AUTS2: variants seen among roughly 807,000 people sequenced by gnomAD.
The protein encoded by AUTS2 is activator of transcription and developmental regulator AUTS2.
Under a neutral mutation model 112.4 loss-of-function variants are expected in AUTS2, and 17 were observed. The observed-to-expected ratio is 0.15, with a 90% confidence interval of 0.10 to 0.23. The LOEUF is 0.23. Among genes scored for constraint, AUTS2 ranks in the 10% least tolerant of loss-of-function variants. The probability of loss-of-function intolerance (pLI) is 1.00; values close to 1 mark genes in which losing one functional copy is unlikely to be tolerated. For synonymous variants in AUTS2, 751 were observed against 702.7 expected, an observed-to-expected ratio of 1.07 and a Z score of -1.09; for missense variants, 1,510 against 1,701.6, an observed-to-expected ratio of 0.89 and a Z score of 1.98.
chr7:69,849,689 T>G (rs1286483527), intron 1 of AUTS2, among the ~76,000 whole-genome samples: 1 of 152,062 alleles, frequency 6.6e-6, no homozygotes, highest in African/African-American at 2.4e-5. Flanking sequence ...CATTAAATCA[T>G]ACAGTACATG....
chr7:69,656,637 ACTGGCTT>A (rs1166258370), intron 1 of AUTS2, among the ~76,000 whole-genome samples: 1 of 152,152 alleles, frequency 6.6e-6, no homozygotes, highest in African/African-American at 2.4e-5. Flanking sequence ...CATTGAAGAG[ACTGGCTT>A]CTGGGAGAGG....
At chr7:70,522,461 C>T (rs34127640) in intron 5 of AUTS2, among the ~76,000 whole-genome samples, 13,913 of 152,196 alleles carry the variant, frequency 0.091, 817 homozygotes, top group African/African-American at 0.16. Context: ...TTCCCTCTCT[C>T]CACTCCTCTA....
intron 5 of AUTS2, among the ~76,000 whole-genome samples, chr7:70,459,507 G>C (rs533626172): frequency 6.6e-6 from 1 of 152,160 alleles, no homozygotes; most frequent in African/African-American, 2.4e-5. Context: ...TCCAGGGTCC[G>C]TGTGAGCCCC....
At position 70,635,400 on chromosome 7, in the gene AUTS2, G is replaced by C. The variant is rs146615389; in HGVS notation, c.691-63169G>C. Among the ~76,000 whole-genome samples the C allele has an allele frequency of 1.7e-3, 259 of 152,322 alleles. 1 individual carries two copies. The highest frequency in any genetic ancestry group is 5.4e-3 in the African/African-American group (224 of 41,572). Reference sequence around the variant, plus strand: ...TCTTTGGAAATTGTGCTGCCTTTTAGTGGAGATAGGTTAGCTCCTGCAAAT... The same window carrying C: ...TCTTTGGAAATTGTGCTGCCTTTTACTGGAGATAGGTTAGCTCCTGCAAAT... On this transcript the variant is annotated intron_variant, in intron 5 of 18. Coordinates refer to ENST00000342771, the MANE Select transcript of AUTS2 (RefSeq NM_015570.4).
At chr7:70,702,605 G>A (rs1308328570) in intron 6 of AUTS2, among the ~76,000 whole-genome samples, 1 of 152,204 alleles carries the variant, frequency 6.6e-6, no homozygotes, top group Admixed American at 6.5e-5. Flanking sequence ...TCCTCCAGCA[G>A]GGAATGAGGC....
At chr7:69,990,956 A>G (rs1005624979) in intron 2 of AUTS2, among the ~76,000 whole-genome samples, 10 of 152,220 alleles carry the variant, frequency 6.6e-5, no homozygotes, top group East Asian at 1.9e-4. Flanking sequence ...GGCTGAGAGA[A>G]TAGATCTAAT....
chr7:70,142,827 G>A (rs1806935020), intron 4 of AUTS2, among the ~76,000 whole-genome samples: 1 of 152,126 alleles, frequency 6.6e-6, no homozygotes, highest in African/African-American at 2.4e-5. Flanking sequence ...AAGGAAGGTT[G>A]TCTTATCCTT....
chr7:70,346,069 C>T (rs896260294), intron 4 of AUTS2, among the ~76,000 whole-genome samples: 1 of 152,074 alleles, frequency 6.6e-6, no homozygotes, highest in Non-Finnish European at 1.5e-5. Context: ...CTCTCATGCT[C>T]ATGGATCTCC....
At chr7:70,030,050 G>T (rs1487620971) in intron 2 of AUTS2, among the ~76,000 whole-genome samples, 1 of 152,148 alleles carries the variant, frequency 6.6e-6, no homozygotes, top group African/African-American at 2.4e-5. Context: ...AATCTCAGCA[G>T]ATTACTCACA....
intron 2 of AUTS2, among the ~76,000 whole-genome samples, chr7:70,009,325 T>C (rs1186986498): frequency 1.3e-5 from 2 of 152,176 alleles, no homozygotes; most frequent in Admixed American, 6.5e-5. Flanking sequence ...TAGTGTTGCA[T>C]TGGGGATTCA....
intron 1 of AUTS2, among the ~76,000 whole-genome samples, chr7:69,809,321 G>T (rs968270771): frequency 6.6e-6 from 1 of 151,614 alleles, no homozygotes; most frequent in Non-Finnish European, 1.5e-5. Context: ...CTCGTGATCT[G>T]CCCGCCTTGG....
At chr7:70,290,260 T>TA (rs1435149627) in intron 4 of AUTS2, 2 of 1,181,460 alleles carry the variant, frequency 1.7e-6, no homozygotes, top group Non-Finnish European at 2.2e-6. Flanking sequence ...TTCCCAATTT[T>TA]ATAAAACAAA....
chr7:69,921,001 T>C (rs1323063826), intron 2 of AUTS2, among the ~76,000 whole-genome samples: 1 of 152,222 alleles, frequency 6.6e-6, no homozygotes, highest in Non-Finnish European at 1.5e-5. Flanking sequence ...TATAATGCCA[T>C]GTGTTTTTCT....
At chr7:70,140,276 A>G (rs1461719827) in intron 4 of AUTS2, among the ~76,000 whole-genome samples, 2 of 152,170 alleles carry the variant, frequency 1.3e-5, no homozygotes, top group Admixed American at 6.5e-5. Context: ...GTTAACAGCC[A>G]TTGATTAGAC....
At chr7:70,303,404 G>A (rs1291008247) in intron 4 of AUTS2, among the ~76,000 whole-genome samples, 2 of 150,722 alleles carry the variant, frequency 1.3e-5, no homozygotes, top group Non-Finnish European at 3.0e-5. Flanking sequence ...ACATGCACAT[G>A]TGTGCACGCA....
intron 1 of AUTS2, among the ~76,000 whole-genome samples, chr7:69,798,759 G>A (rs1404224557): frequency 2.0e-5 from 3 of 152,166 alleles, no homozygotes; most frequent in African/African-American, 7.2e-5. Flanking sequence ...GGAAGGCCAA[G>A]GTGGGAGGAC....
chr7:70,701,260 C>T (rs757868255), intron 6 of AUTS2, among the ~76,000 whole-genome samples: 54 of 152,242 alleles, frequency 3.5e-4, no homozygotes, highest in Middle Eastern at 3.4e-3. Context: ...GTTGGGGGGG[C>T]GCAGCCCTGA....
chr7:70,772,667 C>T (rs751248171), intron 11 of AUTS2, among the ~76,000 whole-genome samples: 1 of 152,226 alleles, frequency 6.6e-6, no homozygotes, highest in African/African-American at 2.4e-5. Context: ...GTCCCCTCCC[C>T]CTTCAAAATC....
At position 70,789,867 on chromosome 7, in the gene AUTS2, C is replaced by A. The variant is rs770941644; in HGVS notation, c.2651C>A (p.Ala884Asp). The change falls in exon 19 of 19, where the codon GCT becomes GAT. Residue 884 changes from alanine (A) to aspartate (D), a missense_variant. Ala to Asp is a moderately radical substitution (Grantham distance 126, BLOSUM62 -2). Around this residue, in one of 3 missense-constraint regions of AUTS2, gnomAD observed 788 missense variants for 797.6 expected, o/e 0.99. Transcript: ENST00000342771. ...EQIRAHLNTE[A>D]REKDKPKERE... is the part of the protein sequence containing the mutation. ...ATCCGGGCTCATCTGAACACTGAGG[C>A]TCGGGAGAAGGACAAACCCAAAGAG... 20 of 1,614,160 alleles carry A rather than the reference C, an allele frequency of 1.2e-5. No homozygotes were observed. Among genetic ancestry groups the A allele is most frequent in the Non-Finnish European group, 1.6e-5 (19 of 1,180,034 alleles).
Sources: allele counts gnomAD v4.1 joint callset (sites outside exome capture counted in the v4.1 genomes callset), GRCh38; gene constraint gnomAD v4.1.1; regional missense constraint gnomAD v4.1.1; transcripts MANE v1.5; gene names NCBI Gene and HGNC (gene_info 2026-07-23, HGNC 2026-07-21).